Variants in RGS12 observed in about 807,000 individuals in gnomAD.
RGS12 encodes regulator of G-protein signaling 12.
A neutral mutation model predicts 120.1 loss-of-function variants in RGS12; 66 were observed. The ratio of observed to expected loss-of-function variants is 0.55; its 90% CI spans 0.45 to 0.67. The LOEUF (loss-of-function observed/expected upper bound fraction) is 0.67, where lower values mean the gene tolerates loss of function less well. Among genes scored for constraint, RGS12 ranks in the 30% least tolerant of loss-of-function variants. The pLI is 0.00. For synonymous variants in RGS12, 827 were observed against 804.7 expected, an observed-to-expected ratio of 1.03 and a Z score of -0.47; for missense variants, 1,859 against 1,957.7, an observed-to-expected ratio of 0.95 and a Z score of 0.95.
intron 3 of RGS12, among the ~76,000 whole-genome samples, chr4:3,355,615 C>G (rs1161092802): frequency 6.6e-6 from 1 of 151,234 alleles, no homozygotes; most frequent in East Asian, 1.9e-4. Context: ...GACAACATGG[C>G]TAAAACCTGT....
chr4:3,343,378 G>A (rs188233306), intron 3 of RGS12, among the ~76,000 whole-genome samples: 8 of 152,276 alleles, frequency 5.3e-5, no homozygotes, highest in Admixed American at 2.0e-4. Flanking sequence ...AAGACGGGGC[G>A]TGATCCACAG....
At chr4:3,429,815 C>T (rs1258216041) in intron 16 of RGS12, among the ~76,000 whole-genome samples, 1 of 152,206 alleles carries the variant, frequency 6.6e-6, no homozygotes, top group Non-Finnish European at 1.5e-5. Context: ...CGTGTTGCCC[C>T]CCTCTGCCCT....
intron 3 of RGS12, among the ~76,000 whole-genome samples, chr4:3,371,280 G>A (rs559330408): frequency 1.3e-5 from 2 of 152,308 alleles, no homozygotes; most frequent in East Asian, 1.9e-4. Flanking sequence ...TGCCTGCCGC[G>A]GGCCGCCTCT....
In RGS12 at chr4:3,436,493, C is replaced by T. The variant is rs74425283; in HGVS notation, c.4115-2962C>T. On this transcript the variant is annotated intron_variant, in intron 17 of 17. Transcript: ENST00000336727. ...AAAGTGCCTGGGGGACGGGGTCCCT[C>T]GGGGGGCAGGAAGGGCGGGCAGTGG... is the stretch of plus-strand genomic sequence containing the variant. Among the ~76,000 whole-genome samples, 77 of 152,138 alleles carry T rather than the reference C, an allele frequency of 5.1e-4. No individual in the cohort carries two copies. The East Asian group carries it at 0.014, about 27-fold the overall frequency.
At chr4:3,352,998 T>C (rs1714510210) in intron 3 of RGS12, among the ~76,000 whole-genome samples, 1 of 152,264 alleles carries the variant, frequency 6.6e-6, no homozygotes, top group African/African-American at 2.4e-5. Context: ...CCTAAAACTT[T>C]GCCGATGGGG....
At position 3,368,617 on chromosome 4, in the gene RGS12, T is replaced by TG. The variant is rs528609026; in HGVS notation, c.1999-17792dup. ...CTGTGTGTGTGTGGGTACCTGTGTG[T>TG]GGGGGGGTACATGTGTGTGTGTGGT... On this transcript the variant is annotated intron_variant, in intron 3 of 17. Coordinates refer to ENST00000336727, the MANE Select transcript of RGS12 (RefSeq NM_001394154.1). 2.1e-3 allele frequency among the ~76,000 whole-genome samples: 201 copies of TG among 95,614 alleles called. 3 individuals carry two copies. Among genetic ancestry groups the TG allele is most frequent in the African/African-American group, 8.1e-3 (191 of 23,484 alleles). The allele number at this position is 95,614 out of a possible 152,430, so 62.7% of individuals were successfully genotyped here.
intron 2 of RGS12, among the ~76,000 whole-genome samples, chr4:3,338,167 T>A (rs546393236): frequency 2.0e-5 from 3 of 152,348 alleles, no homozygotes; most frequent in Admixed American, 2.0e-4. Context: ...TTCAAGCGAT[T>A]CTCCTGCCTC....
intron 4 of RGS12, among the ~76,000 whole-genome samples, chr4:3,387,943 T>A (rs1452936603): frequency 1.3e-5 from 2 of 152,236 alleles, no homozygotes; most frequent in Non-Finnish European, 2.9e-5. Context: ...TACAGTTGTT[T>A]AAAAACCTGC....
intron 3 of RGS12, chr4:3,378,273 A>C (rs912818648): frequency 6.6e-6 from 1 of 152,334 alleles, no homozygotes; most frequent in East Asian, 1.9e-4. Context: ...TCACAAATGG[A>C]TTAAAGACAC....
In RGS12 at chr4:3,317,210, T is replaced by C. The variant is rs1425551654; in HGVS notation, c.1040T>C (p.Phe347Ser). 1 of 1,614,120 alleles carries C rather than the reference T, an allele frequency of 6.2e-7. No individual in the cohort carries two copies. Among genetic ancestry groups the C allele is most frequent in the South Asian group, 1.1e-5 (1 of 91,076 alleles). ...CHVFMVDPDL[F>S]NHKIHQGIAR... ...GTGTTCATGGTGGACCCAGACTTGTTTAATCACAAGATCCACCAAGGCATT... is the reference window on the plus strand; with the variant it reads ...GTGTTCATGGTGGACCCAGACTTGTCTAATCACAAGATCCACCAAGGCATT... The change falls in exon 2 of 18, where the codon TTT becomes TCT. Residue 347 changes from phenylalanine to serine, a missense_variant. By Grantham distance (155) the Phe-to-Ser change is radical. Transcript: ENST00000336727.
At chr4:3,362,320 G>A (rs908856351) in intron 3 of RGS12, among the ~76,000 whole-genome samples, 2 of 152,164 alleles carry the variant, frequency 1.3e-5, no homozygotes, top group African/African-American at 4.8e-5. Flanking sequence ...CCAGTGTGTC[G>A]CCTCATGTCA....
At chr4:3,327,414 A>G (rs1255768939) in intron 2 of RGS12, among the ~76,000 whole-genome samples, 2 of 152,244 alleles carry the variant, frequency 1.3e-5, no homozygotes, top group Non-Finnish European at 2.9e-5. Context: ...AGTACAGACA[A>G]CAAAAACAAA....
chr4:3,298,455 ATCCCCCTGCCTCAAC>A (rs1723500034), intron 1 of RGS12, among the ~76,000 whole-genome samples: 1 of 152,012 alleles, frequency 6.6e-6, no homozygotes, highest in African/African-American at 2.4e-5. Flanking sequence ...GGCTCAAGCG[ATCCCCCTGCCTCAAC>A]CTCCTGAGTA....
Position 3,307,315 on chromosome 4 carries a change from G to A in RGS12, c.-101-8755G>A, listed in dbSNP as rs534015328. ...CACCGCTGGGGACAGGCCACGCTGC[G>A]GCAGCGTGTGCACACGGCATGAGGT... On this transcript the variant is annotated intron_variant, in intron 1 of 17. Coordinates refer to ENST00000336727, the MANE Select transcript of RGS12 (RefSeq NM_001394154.1). 6.6e-4 allele frequency among the ~76,000 whole-genome samples: 101 copies of A among 152,326 alleles called. 1 individual carries two copies. Among genetic ancestry groups the A allele is most frequent in the African/African-American group, 2.0e-3 (84 of 41,578 alleles).
At chr4:3,431,170 C>T (rs1406598764) in intron 17 of RGS12, 8 of 1,410,892 alleles carry the variant, frequency 5.7e-6, no homozygotes, top group East Asian at 2.7e-5. Context: ...CCCCCCGAGG[C>T]GCTCTGGGCA....
At chr4:3,399,792 C>T (rs187733023) in intron 4 of RGS12, among the ~76,000 whole-genome samples, 30 of 152,296 alleles carry the variant, frequency 2.0e-4, no homozygotes, top group Admixed American at 7.2e-4. Flanking sequence ...CACCAAAAAT[C>T]CTGGTGGGTT....
In RGS12 at chr4:3,374,198, G is replaced by T. The variant is rs1717375011; in HGVS notation, c.1999-12218G>T. Among the ~76,000 whole-genome samples the T allele has an allele frequency of 6.6e-6, 1 of 152,244 alleles. No homozygotes were observed. Among genetic ancestry groups the T allele is most frequent in the South Asian group, 2.1e-4 (1 of 4,834 alleles). ...CAACGCTTGCCATCCTACGCATGAT[G>T]CAGGGACCCCGGCCCTCCGCAGACA... is the stretch of plus-strand genomic sequence containing the variant. On this transcript the variant is annotated intron_variant, in intron 3 of 17. Transcript: ENST00000336727. The surrounding 1 kb of genome is among the most constrained non-coding windows in gnomAD (Gnocchi z 6.3).
At chr4:3,347,132 G>A (rs1258370378) in intron 3 of RGS12, among the ~76,000 whole-genome samples, 3 of 152,164 alleles carry the variant, frequency 2.0e-5, no homozygotes, top group African/African-American at 7.2e-5. Context: ...ATTGCTGTAA[G>A]TTATAAACAG....
At chr4:3,438,921 C>T (rs1725060433) in intron 17 of RGS12, among the ~76,000 whole-genome samples, 1 of 152,070 alleles carries the variant, frequency 6.6e-6, no homozygotes, top group African/African-American at 2.4e-5. Context: ...GGTGCTGAGG[C>T]AGCGAGGCAG....
Sources: gnomAD v4.1 joint callset for allele counts (sites outside exome capture counted in the v4.1 genomes callset) on GRCh38, gnomAD v4.1.1 for gene constraint, Gnocchi (gnomAD v3.1) non-coding constraint, MANE v1.5 for transcripts, NCBI Gene and HGNC (gene_info 2026-07-23, HGNC 2026-07-21) for gene names.